ADGRA2: variants seen among roughly 807,000 people sequenced by gnomAD.
The protein encoded by ADGRA2 is G-protein coupled receptor 124.
A neutral mutation model predicts 98.7 loss-of-function variants in ADGRA2; 61 were observed. The observed-to-expected ratio is 0.62, with a 90% CI of 0.50 to 0.76. The LOEUF is 0.76. Ranked by LOEUF, ADGRA2 falls within the 30% of genes least tolerant of loss-of-function variation. ADGRA2 has a pLI of 0.00. For synonymous variants in ADGRA2, 858 were observed against 831.5 expected (o/e 1.03, Z -0.55); for missense variants, 1,712 against 1,860.0 (o/e 0.92, Z 1.46).
chr8:37,841,001 T>C lies in ADGRA2; in HGVS notation c.2748-85T>C. The stretch of plus-strand genomic sequence containing the variant: ...GCCGTCCTTGTCTCCGTACTCACCA[T>C]ATCCTGTCTCCCCAACCACCCCGGC... On this transcript the variant is annotated intron_variant, in intron 18 of 18. Coordinates refer to ENST00000412232, the MANE Select transcript of ADGRA2 (RefSeq NM_032777.10). The surrounding 1 kb of genome is among the most constrained non-coding windows in gnomAD (Gnocchi z 5.0). 2.9e-6 allele frequency: 4 copies of C among 1,363,420 alleles called. No homozygotes were observed. Among genetic ancestry groups the C allele is most frequent in the South Asian group, 1.3e-5 (1 of 76,452 alleles). The allele number at this position is 1,363,420 out of a possible 1,614,324, so 84.5% of individuals were successfully genotyped here.
rs374770610 is a variant in ADGRA2, at chr8:37,838,909, G to T, written c.2260-47G>T. 1.0e-5 allele frequency: 16 copies of T among 1,524,196 alleles called. No homozygotes were observed. The African/African-American group carries it at 1.8e-4, about 17-fold the overall frequency. The allele number at this position is 1,524,196 out of a possible 1,614,324, so 94.4% of individuals were successfully genotyped here. On this transcript the variant is annotated intron_variant, in intron 14 of 18. Transcript: ENST00000412232. ...AAGAGGAAAGCTGGCCTGGGGGCCT[G>T]GCGAGGTGTCCACATTCCTCACGTC...
At chr8:37,824,597 G>A (rs558899532) in intron 2 of ADGRA2, among the ~76,000 whole-genome samples, 17 of 150,642 alleles carry the variant, frequency 1.1e-4, no homozygotes, top group Admixed American at 2.7e-4. Context: ...GGGTTCAAGC[G>A]ATTCTCCTGC....
At chr8:37,836,097 A>C (rs10101768) in intron 13 of ADGRA2, among the ~76,000 whole-genome samples, 1,223 of 108,710 alleles carry the variant, frequency 0.011, 13 homozygotes, top group African/African-American at 0.025. Flanking sequence ...ACACACACAC[A>C]CCCCACAGGC....
intron 2 of ADGRA2, among the ~76,000 whole-genome samples, chr8:37,817,660 T>G (rs1018703599): frequency 6.6e-6 from 1 of 151,678 alleles, no homozygotes; most frequent in Admixed American, 6.6e-5. Flanking sequence ...TGAGCCATAA[T>G]TGTGCCACTG....
At position 37,805,550 on chromosome 8, in the gene ADGRA2, A is replaced by G. The variant is rs191951854; in HGVS notation, c.266+8016A>G. Among the ~76,000 whole-genome samples the G allele has an allele frequency of 6.6e-4, 100 of 151,942 alleles. 3 individuals are homozygous for G. Among genetic ancestry groups the G allele is most frequent in the Non-Finnish European group, 7.4e-5 (5 of 67,952 alleles). On this transcript the variant is annotated intron_variant, in intron 1 of 18. Coordinates refer to ENST00000412232, the MANE Select transcript of ADGRA2 (RefSeq NM_032777.10). ...CCAGGGGTTCAAAACCATTCTGGGC[A>G]CATAGAGATCCGTGTCTAAATTTTT...
intron 5 of ADGRA2, 139 bp from the exon 6 acceptor site, chr8:37,829,712 C>A: frequency 1.0e-6 from 1 of 995,444 alleles, no homozygotes; most frequent in Non-Finnish European, 1.6e-6. Flanking sequence ...CCCGCGATGG[C>A]CCGGGGCAGA....
rs576318396 is a variant in ADGRA2, at chr8:37,829,615, G to A, written c.554+56G>A. On this transcript the variant is annotated intron_variant, in intron 5 of 18. Coordinates refer to ENST00000412232, the MANE Select transcript of ADGRA2 (RefSeq NM_032777.10). ...GACCCCTGTCCCTTTCTCTGCCCAG[G>A]AGAGATGTATAAGTATCATGACCAC... is the stretch of plus-strand genomic sequence containing the variant. The A allele has an allele frequency of 3.1e-6, 4 of 1,283,462 alleles. No homozygotes were observed. The South Asian group carries it at 4.7e-5, about 15-fold the overall frequency. The allele number at this position is 1,283,462 out of a possible 1,614,324, so 79.5% of individuals were successfully genotyped here.
In ADGRA2 at chr8:37,797,489, C is replaced by G. The variant is rs1333981674; in HGVS notation, c.221C>G (p.Pro74Arg). 7.1e-7 allele frequency: 1 copy of G among 1,407,752 alleles called. No homozygotes were observed. The highest frequency in any genetic ancestry group is 9.3e-7 in the Non-Finnish European group (1 of 1,077,396). 87.2% of individuals were successfully genotyped at this position (1,407,752 alleles called of 1,614,324 possible). ...RRVVCSGGDL[P>R]EPPEPGLLPN... ...GTGGTGTGCAGCGGCGGGGACCTCCCGGAGCCTCCCGAGCCCGGCCTTCTG... is the reference window on the plus strand; with the variant it reads ...GTGGTGTGCAGCGGCGGGGACCTCCGGGAGCCTCCCGAGCCCGGCCTTCTG... Residue 74 changes from proline (P) to arginine (R), a missense_variant, in exon 1 of 19, where the codon CCG (proline) becomes CGG (arginine). By Grantham distance (103) the Pro-to-Arg change is moderately radical. Transcript: ENST00000412232. The surrounding 1 kb of genome is among the most constrained non-coding windows in gnomAD (Gnocchi z 5.3).
At chr8:37,828,329 A>G (rs534202428) in intron 2 of ADGRA2, among the ~76,000 whole-genome samples, 15 of 152,212 alleles carry the variant, frequency 9.9e-5, no homozygotes, top group African/African-American at 3.4e-4. Flanking sequence ...GTGGGAAAGG[A>G]GGCCTCCTAA....
At chr8:37,832,920 A>T in intron 8 of ADGRA2, 90 bp from the exon 9 acceptor site, 2 of 977,416 alleles carry the variant, frequency 2.0e-6, no homozygotes, top group Non-Finnish European at 3.2e-6. Context: ...CAAGGCCCCA[A>T]GGAGTCCGGC....
At chr8:37,806,255 C>A (rs972992482) in intron 1 of ADGRA2, among the ~76,000 whole-genome samples, 5 of 152,182 alleles carry the variant, frequency 3.3e-5, no homozygotes, top group African/African-American at 1.2e-4. Context: ...GCCTGTTACA[C>A]AAGGCTGAGT....
chr8:37,842,057 C>T lies in ADGRA2; in HGVS notation c.3719C>T (p.Ala1240Val). Reference sequence around the variant, plus strand: ...GGCAGCAGCCGCAACAGCCCGGGCGCCGGCCTGCAGCTGGAAGGCGAGCCC... The same window carrying T: ...GGCAGCAGCCGCAACAGCCCGGGCGTCGGCCTGCAGCTGGAAGGCGAGCCC... Reference protein sequence around the residue: ...YLGSSRNSPGAGLQLEGEPML... With the variant: ...YLGSSRNSPGVGLQLEGEPML... The change falls in exon 19 of 19, where the codon GCC (alanine) becomes GTC (valine). Residue 1240 changes from alanine to valine, a missense_variant. Physicochemically the swap from Ala to Val is moderately conservative, Grantham distance 64. Transcript: ENST00000412232. The T allele has an allele frequency of 6.6e-7, 1 of 1,517,616 alleles. No individual in the cohort carries two copies. Among genetic ancestry groups the T allele is most frequent in the Middle Eastern group, 2.0e-4 (1 of 5,090 alleles). 94.0% of individuals were successfully genotyped at this position (1,517,616 alleles called of 1,614,324 possible). A position where few individuals can be genotyped will look rare whatever the true frequency, so the allele number is the denominator to read the frequency against.
At chr8:37,828,763 T>G in intron 2 of ADGRA2, 125 bp from the exon 3 acceptor site, 4 of 695,096 alleles carry the variant, frequency 5.8e-6, no homozygotes, top group Non-Finnish European at 7.2e-6. Flanking sequence ...GAGCAGAGGT[T>G]TAGCAGGAAG....
chr8:37,821,583 C>T (rs1316015378), intron 2 of ADGRA2, among the ~76,000 whole-genome samples: 2 of 152,176 alleles, frequency 1.3e-5, no homozygotes, highest in African/African-American at 4.8e-5. Context: ...AGTAAGATGC[C>T]TCTAGACCAG....
chr8:37,844,585 T>C lies in ADGRA2; in HGVS notation c.*2230T>C, dbSNP rs1371935205. The C allele has an allele frequency of 1.2e-6, 2 of 1,614,008 alleles. No homozygotes were observed. The highest frequency in any genetic ancestry group is 1.3e-5 in the African/African-American group (1 of 74,916). On this transcript the variant is annotated 3_prime_UTR_variant, in exon 19 of 19. Coordinates refer to ENST00000412232, the MANE Select transcript of ADGRA2 (RefSeq NM_032777.10). ...TGAGGGGTACGCAAATACTGTTCTA[T>C]TTCACTATCAGAAATGTTCTCATCT...
At chr8:37,831,148 A>G (rs1270899961) in intron 7 of ADGRA2, among the ~76,000 whole-genome samples, 1 of 152,212 alleles carries the variant, frequency 6.6e-6, no homozygotes, top group Non-Finnish European at 1.5e-5. Context: ...GTGTTCTTAC[A>G]TTGTATAGAG....
Position 37,841,585 on chromosome 8 carries a change from T to G in ADGRA2, c.3247T>G (p.Cys1083Gly). The change falls in exon 19 of 19, where the codon TGC becomes GGC. Residue 1083 changes from cysteine (C) to glycine (G), a missense_variant. Cys to Gly is a radical substitution (Grantham distance 159). Transcript: ENST00000412232. This position sits in a 1 kb window ranked among gnomAD's most constrained non-coding sequence, Gnocchi z 5.0. The part of the protein sequence containing the change: ...RRDVRASWRA[C>G]CPPASPAAPH... ...GGACGTGAGAGCCTCGTGGCGCGCC[T>G]GCTGCCCCCCTGCCTCTCCCGCGGC... is the stretch of plus-strand genomic sequence containing the variant. 1 of 1,579,876 alleles carries G rather than the reference T, an allele frequency of 6.3e-7. No homozygotes were observed. Among genetic ancestry groups the G allele is most frequent in the Non-Finnish European group, 8.6e-7 (1 of 1,164,752 alleles).
intron 1 of ADGRA2, among the ~76,000 whole-genome samples, chr8:37,805,802 G>C (rs1312814251): frequency 1.3e-5 from 2 of 152,032 alleles, no homozygotes; most frequent in Non-Finnish European, 2.9e-5. Context: ...CCGGGAGGTG[G>C]AGGTTGCAGT....
rs925320382 is a variant in ADGRA2 at position 37,843,838 on chromosome 8, TG to T, written c.*1487del. On this transcript the variant is annotated 3_prime_UTR_variant, in exon 19 of 19. Coordinates refer to ENST00000412232, the MANE Select transcript of ADGRA2 (RefSeq NM_032777.10). ...CACTGGAGAGCTTTTTGCAATATGC[TG>T]GGGAAAGGGGAGGGAGGGAATGAAA... The T allele has an allele frequency of 6.5e-6, 1 of 152,790 alleles. No homozygotes were observed. Among genetic ancestry groups the T allele is most frequent in the Non-Finnish European group, 1.5e-5 (1 of 68,196 alleles). The allele number at this position is 152,790 out of a possible 1,614,324, so 9.5% of individuals were successfully genotyped here.
Sources: gnomAD v4.1 joint callset for allele counts (sites outside exome capture counted in the v4.1 genomes callset) on GRCh38, gnomAD v4.1.1 for gene constraint, Gnocchi (gnomAD v3.1) non-coding constraint, MANE v1.5 for transcripts, NCBI Gene and HGNC (gene_info 2026-07-23, HGNC 2026-07-21) for gene names.